The following TRPC5 variants were observed in gnomAD, a reference collection of about 807,000 sequenced individuals.
TRPC5 encodes transient receptor potential cation channel subfamily C member 5, also known as short transient receptor potential channel 5.
Under a neutral mutation model 56.5 loss-of-function variants are expected in TRPC5, and 9 were observed. The observed-to-expected ratio is 0.16, with a 90% CI of 0.10 to 0.28. TRPC5 has a LOEUF of 0.28. Among genes scored for constraint, TRPC5 ranks in the 10% least tolerant of loss-of-function variants. The probability of loss-of-function intolerance (pLI) is 1.00; values close to 1 mark genes in which losing one functional copy is unlikely to be tolerated. For synonymous variants in TRPC5, 282 were observed against 278.5 expected (o/e 1.01, Z -0.13); for missense variants, 469 against 748.9 (o/e 0.63, Z 4.36).
At chrX:111,967,461 C>T (rs1331199165) in intron 1 of TRPC5, among the ~76,000 whole-genome samples, 1 of 111,609 alleles carries the variant, frequency 9.0e-6, no homozygotes, top group East Asian at 2.8e-4. Flanking sequence ...ACTTTCTTCA[C>T]AGAACTGGAA....
At chrX:111,783,127 G>A (rs1050033817) in intron 7 of TRPC5, among the ~76,000 whole-genome samples, 6 of 112,008 alleles carry the variant, frequency 5.4e-5, no homozygotes, top group African/African-American at 1.9e-4. Flanking sequence ...GTTTTCGTAT[G>A]TATCAATAGC....
intron 1 of TRPC5, among the ~76,000 whole-genome samples, chrX:111,968,389 A>C (rs1294438016): frequency 1.8e-5 from 2 of 111,862 alleles, no homozygotes; most frequent in African/African-American, 3.3e-5. Flanking sequence ...ACTGTAAACT[A>C]GTTCAACCAT....
At chrX:111,969,764 G>A (rs1156330926) in intron 1 of TRPC5, among the ~76,000 whole-genome samples, 3 of 111,262 alleles carry the variant, frequency 2.7e-5, no homozygotes, top group African/African-American at 9.8e-5. Flanking sequence ...AAGAATGTAG[G>A]AGTAAGTAAG....
At chrX:111,799,363 C>T (rs1921227758) in intron 7 of TRPC5, among the ~76,000 whole-genome samples, 1 of 111,349 alleles carries the variant, frequency 9.0e-6, no homozygotes, top group South Asian at 3.8e-4. Flanking sequence ...TAAGGGATTG[C>T]CTTTTAAAGA....
chrX:111,994,302 G>A (rs181542989), intron 1 of TRPC5, among the ~76,000 whole-genome samples: 150 of 111,649 alleles, frequency 1.3e-3, no homozygotes, highest in African/African-American at 4.3e-3. Flanking sequence ...TTTGGATACC[G>A]TAGCCTTGTA....
intron 1 of TRPC5, among the ~76,000 whole-genome samples, chrX:111,959,337 A>T (rs1397053474): frequency 8.9e-6 from 1 of 112,229 alleles, no homozygotes; most frequent in Admixed American, 9.5e-5. Flanking sequence ...TATGTTATTA[A>T]TTCAAGCCAG....
intron 7 of TRPC5, among the ~76,000 whole-genome samples, chrX:111,825,203 CTTT>C (rs1922179429): frequency 1.4e-5 from 1 of 69,952 alleles, no homozygotes; most frequent in Admixed American, 1.8e-4. Context: ...TTCTTTCTTT[CTTT>C]CTTTCTTTCT....
chrX:111,939,324 C>T (rs929065938), intron 2 of TRPC5, among the ~76,000 whole-genome samples: 28 of 111,058 alleles, frequency 2.5e-4, no homozygotes, highest in Non-Finnish European at 3.0e-4. Flanking sequence ...AGGATTTTTG[C>T]GTCAATATTC....
chrX:111,842,644 G>A (rs1373269504), intron 6 of TRPC5, among the ~76,000 whole-genome samples: 1 of 112,184 alleles, frequency 8.9e-6, no homozygotes, highest in African/African-American at 3.2e-5. Context: ...TAGAGGGAAA[G>A]CTAATAAACT....
At chrX:112,029,149 C>G (rs1348072686) in intron 1 of TRPC5, among the ~76,000 whole-genome samples, 1 of 110,526 alleles carries the variant, frequency 9.0e-6, no homozygotes, top group African/African-American at 3.3e-5. Context: ...CCCCGTTACC[C>G]TTCCCAGCCT....
chrX:112,025,309 C>T (rs1343995322), intron 1 of TRPC5, among the ~76,000 whole-genome samples: 1 of 111,836 alleles, frequency 8.9e-6, no homozygotes, highest in African/African-American at 3.3e-5. Context: ...AAAAATTAGC[C>T]AGTTATGCCA....
At chrX:111,989,137 A>G (rs1194010850) in intron 1 of TRPC5, among the ~76,000 whole-genome samples, 1 of 111,804 alleles carries the variant, frequency 8.9e-6, no homozygotes. Flanking sequence ...ACTTTGTTCT[A>G]GCAAGCAACC....
At chrX:111,979,995 A>G (rs752707746) in intron 1 of TRPC5, among the ~76,000 whole-genome samples, 1 of 111,821 alleles carries the variant, frequency 8.9e-6, no homozygotes, top group South Asian at 3.7e-4. Flanking sequence ...AAGTTAATGT[A>G]TATGTCCATA....
intron 1 of TRPC5, among the ~76,000 whole-genome samples, chrX:112,008,462 C>T (rs924148288): frequency 9.1e-6 from 1 of 109,621 alleles, no homozygotes; most frequent in African/African-American, 3.3e-5. Context: ...TAGCCAGGTG[C>T]GGTGGTGGGT....
rs1945856994 is a variant in TRPC5, at chrX:111,773,664, C to T, written c.*2649G>A. Among the ~76,000 whole-genome samples the T allele has an allele frequency of 9.0e-6, 1 of 110,982 alleles. No homozygotes were observed. The highest frequency in any genetic ancestry group is 3.3e-5 in the African/African-American group (1 of 30,503). On this transcript the variant is annotated 3_prime_UTR_variant, in exon 11 of 11. Coordinates refer to ENST00000262839, the MANE Select transcript of TRPC5 (RefSeq NM_012471.3). ...TTGAGTTTATTGACCAGCTCTGTGA[C>T]CTTGAGCAAGTCATTGTCCTTCTCT...
At chrX:112,043,978 GA>G (rs200939408) in intron 1 of TRPC5, among the ~76,000 whole-genome samples, 13,370 of 111,004 alleles carry the variant, frequency 0.12, 682 homozygotes, top group African/African-American at 0.16. Flanking sequence ...GAATTATTTT[GA>G]AAGACAGCAA....
At chrX:111,960,597 G>A (rs922693404) in intron 1 of TRPC5, among the ~76,000 whole-genome samples, 9 of 111,268 alleles carry the variant, frequency 8.1e-5, no homozygotes, top group African/African-American at 1.3e-4. Context: ...AATAAGCAGC[G>A]TAATTCGTTA....
intron 1 of TRPC5, among the ~76,000 whole-genome samples, chrX:112,078,213 G>A (rs764776634): frequency 2.0e-4 from 22 of 111,745 alleles, no homozygotes; most frequent in Admixed American, 4.8e-4. Context: ...AGGATTGTGT[G>A]TGTGAGTGTG....
chrX:111,976,968 TAA>T (rs1190669744), intron 1 of TRPC5, among the ~76,000 whole-genome samples: 1 of 111,492 alleles, frequency 9.0e-6, no homozygotes, highest in East Asian at 2.8e-4. Flanking sequence ...CTGAAAATCA[TAA>T]AATATTGATG....
Sources: allele counts gnomAD v4.1 joint callset (sites outside exome capture counted in the v4.1 genomes callset), GRCh38; gene constraint gnomAD v4.1.1; transcripts MANE v1.5; gene names NCBI Gene and HGNC (gene_info 2026-07-23, HGNC 2026-07-21).